The following CEP128 variants were observed in gnomAD, a reference collection of about 807,000 sequenced individuals.
CEP128 encodes the protein centrosomal protein 128, also known as centrosomal protein 128kDa.
CEP128 carries 132 observed loss-of-function variants against 156.7 expected under a neutral mutation model. The observed-to-expected ratio is 0.84, with a 90% CI of 0.73 to 0.97. CEP128 has a LOEUF of 0.97. CEP128 is among the 50% of genes least tolerant of loss of function. CEP128 has a pLI of 0.00. For synonymous variants in CEP128, 469 were observed against 448.9 expected (o/e 1.04, Z -0.57); for missense variants, 1,252 against 1,281.9 (o/e 0.98, Z 0.36).
intron 2 of CEP128, among the ~76,000 whole-genome samples, chr14:80,930,769 GA>G (rs1885414953): frequency 6.6e-6 from 1 of 152,206 alleles, no homozygotes; most frequent in African/African-American, 2.4e-5. Flanking sequence ...AGCAATTATT[GA>G]AGGCCACCAC....
intron 19 of CEP128, among the ~76,000 whole-genome samples, chr14:80,607,859 T>A (rs1892847748): frequency 6.6e-6 from 1 of 152,148 alleles, no homozygotes; most frequent in Admixed American, 6.6e-5. Context: ...TCGATTTCAG[T>A]TTTAAGTCCT....
At chr14:80,495,082 A>G (rs1336081583), downstream of CEP128, among the ~76,000 whole-genome samples, 1 of 152,174 alleles carries the variant, frequency 6.6e-6, no homozygotes, top group Non-Finnish European at 1.5e-5. Context: ...CAAAAAGGTC[A>G]ACCTTCAAAT....
rs113113114 is a variant in CEP128 at position 80,714,991 on chromosome 14, G to T, written c.2806+28084C>A. 6.0e-3 allele frequency among the ~76,000 whole-genome samples: 914 copies of T among 152,326 alleles called. 8 individuals are homozygous for T. The highest frequency in any genetic ancestry group is 0.02 in the African/African-American group (844 of 41,572). On this transcript the variant is annotated intron_variant, in intron 19 of 24. Transcript: ENST00000555265. ...TAATCCCAGCACTTTGGGAGGCCGT[G>T]GTGGGCGGATCACTTGAGCCCAGCA...
At chr14:80,849,158 C>T (rs776753613) in intron 9 of CEP128, among the ~76,000 whole-genome samples, 1 of 151,822 alleles carries the variant, frequency 6.6e-6, no homozygotes, top group African/African-American at 2.4e-5. Context: ...AAAGGAGAGG[C>T]AAAGACATAA....
chr14:80,923,821 A>C (rs1000396102), intron 2 of CEP128, among the ~76,000 whole-genome samples: 1 of 152,176 alleles, frequency 6.6e-6, no homozygotes, highest in African/African-American at 2.4e-5. Flanking sequence ...TGTAATCCCC[A>C]TAATCCCCAT....
intron 18 of CEP128, among the ~76,000 whole-genome samples, chr14:80,752,066 G>GAT (rs1899427805): frequency 6.6e-6 from 1 of 152,078 alleles, no homozygotes; most frequent in Admixed American, 6.6e-5. Flanking sequence ...CTAGGGTAAT[G>GAT]ATATACTAAA....
intron 19 of CEP128, among the ~76,000 whole-genome samples, chr14:80,669,813 G>A (rs1167719279): frequency 2.6e-5 from 4 of 152,150 alleles, no homozygotes; most frequent in Admixed American, 6.5e-5. Flanking sequence ...GTATCTATCT[G>A]TATGCCATTC....
At chr14:80,827,470 G>C (rs1019623000) in intron 13 of CEP128, among the ~76,000 whole-genome samples, 1 of 152,092 alleles carries the variant, frequency 6.6e-6, no homozygotes, top group Non-Finnish European at 1.5e-5. Context: ...AGCAAAATCC[G>C]TGCACAGCAA....
At chr14:80,862,538 C>T (rs1341308058) in intron 9 of CEP128, among the ~76,000 whole-genome samples, 2 of 152,126 alleles carry the variant, frequency 1.3e-5, no homozygotes, top group Non-Finnish European at 2.9e-5. Context: ...ACAAAACTAG[C>T]GCCTAGAGAA....
At chr14:80,735,553 A>G (rs1385907623) in intron 19 of CEP128, among the ~76,000 whole-genome samples, 2 of 152,226 alleles carry the variant, frequency 1.3e-5, no homozygotes, top group African/African-American at 4.8e-5. Context: ...CAGGGAATCA[A>G]GTAGCAGAGA....
intron 7 of CEP128, among the ~76,000 whole-genome samples, chr14:80,896,892 A>AT (rs927479490): frequency 6.6e-6 from 1 of 152,132 alleles, no homozygotes; most frequent in Non-Finnish European, 1.5e-5. Flanking sequence ...CTGCTCCATG[A>AT]TTGTCATTCC....
intron 3 of CEP128, 40 bp from the exon 4 acceptor site, chr14:80,914,448 CT>C (rs745675784): frequency 2.9e-5 from 42 of 1,459,922 alleles, no homozygotes; most frequent in African/African-American, 8.4e-5. Flanking sequence ...ATTCCAAATA[CT>C]TTTTTTTCCT....
chr14:80,482,365 T>C (rs1887072043), intron 14 of CEP128, among the ~76,000 whole-genome samples: 1 of 152,200 alleles, frequency 6.6e-6, no homozygotes, highest in African/African-American at 2.4e-5. Flanking sequence ...TTCTTGACTA[T>C]TCCAATGCTT....
intron 19 of CEP128, among the ~76,000 whole-genome samples, chr14:80,603,280 T>C (rs1050512542): frequency 1.3e-5 from 2 of 152,172 alleles, no homozygotes; most frequent in African/African-American, 4.8e-5. Context: ...TTTTATTATA[T>C]GAAATGGTCA....
At chr14:80,871,851 T>C (rs117815673) in intron 8 of CEP128, among the ~76,000 whole-genome samples, 7,158 of 152,206 alleles carry the variant, frequency 0.047, 191 homozygotes, top group Middle Eastern at 0.061. Flanking sequence ...TTAAGATTAG[T>C]ATTTAATGAA....
At chr14:80,955,737 G>C (rs1352586717) in intron 2 of CEP128, 2 of 1,614,168 alleles carry the variant, frequency 1.2e-6, no homozygotes, top group Non-Finnish European at 1.7e-6. Flanking sequence ...CCAGGGACCT[G>C]GGCGGAATGG....
chr14:80,543,036 C>G (rs1181418177), intron 21 of CEP128, among the ~76,000 whole-genome samples: 1 of 152,122 alleles, frequency 6.6e-6, no homozygotes. Flanking sequence ...GTTGAAAGAC[C>G]ATGTGAACAG....
rs3069115 is a variant in CEP128, at chr14:80,617,219, C to CTTTTTTTTTTT, written c.2807-36807_2807-36797dup. The stretch of plus-strand genomic sequence containing the variant: ...ATCACTTAACCTATGTGAATATCAT[C>CTTTTTTTTTTT]TTTTTTTTTTTTTTTTTTTTTTTTT... On this transcript the variant is annotated intron_variant, in intron 19 of 24. Coordinates refer to ENST00000555265, the MANE Select transcript of CEP128 (RefSeq NM_152446.5). 6.5e-3 allele frequency among the ~76,000 whole-genome samples: 389 copies of CTTTTTTTTTTT among 60,210 alleles called. 117 individuals are homozygous for CTTTTTTTTTTT. The highest frequency in any genetic ancestry group is 0.032 in the Middle Eastern group (2 of 62). 39.5% of individuals were successfully genotyped at this position (60,210 alleles called of 152,430 possible).
chr14:80,877,416 T>A (rs1363455225), intron 8 of CEP128, among the ~76,000 whole-genome samples: 2 of 152,118 alleles, frequency 1.3e-5, no homozygotes, highest in Non-Finnish European at 2.9e-5. Flanking sequence ...TAAAATAGCA[T>A]GAAAGATATC....
Sources: allele counts gnomAD v4.1 joint callset (sites outside exome capture counted in the v4.1 genomes callset), GRCh38; gene constraint gnomAD v4.1.1; transcripts MANE v1.5; gene names NCBI Gene and HGNC (gene_info 2026-07-23, HGNC 2026-07-21).